The following SGSM1 variants were observed in gnomAD, a reference collection of about 807,000 sequenced individuals.
SGSM1 encodes small G protein signaling modulator 1, also known as RUN and TBC1 domain containing 2.
A neutral mutation model predicts 133.8 loss-of-function variants in SGSM1; 73 were observed. The observed-to-expected ratio is 0.55, with a 90% confidence interval of 0.45 to 0.66. The LOEUF is 0.66. Ranked by LOEUF, SGSM1 falls within the 30% of genes least tolerant of loss-of-function variation. The pLI, the probability that SGSM1 is intolerant of heterozygous loss-of-function variation, is 0.00. For missense variants in SGSM1, 1,213 were observed against 1,448.1 expected (o/e 0.84, Z 2.64); for synonymous variants, 563 against 573.0 (o/e 0.98, Z 0.25).
chr22:24,855,464 A>G (rs766747028), intron 7 of SGSM1, 34 bp downstream of exon 7: 1 of 1,612,782 alleles, frequency 6.2e-7, no homozygotes, highest in South Asian at 1.1e-5. Flanking sequence ...AGTGGGAGGG[A>G]CCTTACATGA....
At chr22:24,812,949 A>T (rs1441810902) in intron 2 of SGSM1, among the ~76,000 whole-genome samples, 2 of 152,200 alleles carry the variant, frequency 1.3e-5, no homozygotes, top group East Asian at 3.9e-4. Flanking sequence ...AGGAGGGCAT[A>T]TAGAGAAAAC....
At chr22:24,828,602 A>G (rs1928927988) in intron 2 of SGSM1, among the ~76,000 whole-genome samples, 1 of 152,218 alleles carries the variant, frequency 6.6e-6, no homozygotes, top group African/African-American at 2.4e-5. Context: ...TTGCAGAGAA[A>G]ATGGAATGCT....
chr22:24,847,579 T>C, intron 3 of SGSM1, 55 bp from the exon 4 acceptor site: 1 of 1,576,834 alleles, frequency 6.3e-7, no homozygotes, highest in Non-Finnish European at 8.6e-7. Context: ...TGGGACATGC[T>C]GGGTGCTGGA....
intron 2 of SGSM1, among the ~76,000 whole-genome samples, chr22:24,834,272 C>G (rs1273968941): frequency 1.3e-5 from 2 of 152,266 alleles, no homozygotes; most frequent in Non-Finnish European, 2.9e-5. Context: ...GGCCATGACT[C>G]AGGATACAGG....
intron 21 of SGSM1, among the ~76,000 whole-genome samples, chr22:24,910,536 A>G (rs1203646419): frequency 1.3e-5 from 2 of 152,130 alleles, no homozygotes; most frequent in African/African-American, 2.4e-5. Flanking sequence ...AGTCCCAGCT[A>G]CTCAGGAGGC....
chr22:24,908,844 G>A (rs1164094146), intron 21 of SGSM1, among the ~76,000 whole-genome samples: 2 of 151,982 alleles, frequency 1.3e-5, no homozygotes, highest in Non-Finnish European at 2.9e-5. Context: ...TAAAGTGGGT[G>A]AGGGATTTGA....
chr22:24,809,760 A>G (rs1927624715), intron 2 of SGSM1, among the ~76,000 whole-genome samples: 1 of 152,172 alleles, frequency 6.6e-6, no homozygotes, highest in Non-Finnish European at 1.5e-5. Context: ...AGCGGAGGAA[A>G]CACACTCCCA....
chr22:24,806,287 C>G lies in SGSM1; in HGVS notation c.-39C>G, dbSNP rs1473655223. 1.4e-6 allele frequency: 2 copies of G among 1,416,268 alleles called. No individual in the cohort carries two copies. Among genetic ancestry groups the G allele is most frequent in the African/African-American group, 3.0e-5 (2 of 66,466 alleles). The allele number at this position is 1,416,268 out of a possible 1,614,324, so 87.7% of individuals were successfully genotyped here. A position where few individuals can be genotyped will look rare whatever the true frequency, so the allele number is the denominator to read the frequency against. Reference sequence around the variant, plus strand: ...GGAGGAGCTACCGCCGCCACCGCCGCCACCGCCTCCTGGGACTCGGAACGC... The same window carrying G: ...GGAGGAGCTACCGCCGCCACCGCCGGCACCGCCTCCTGGGACTCGGAACGC... On this transcript the variant is annotated 5_prime_UTR_variant, in exon 1 of 25. Coordinates refer to ENST00000400358, the MANE Select transcript of SGSM1 (RefSeq NM_001098497.3).
chr22:24,879,767 G>A (rs1932227137), intron 14 of SGSM1, among the ~76,000 whole-genome samples: 1 of 152,182 alleles, frequency 6.6e-6, no homozygotes, highest in South Asian at 2.1e-4. Context: ...GTCCCCTGGG[G>A]ACAGAGATTT....
intron 2 of SGSM1, among the ~76,000 whole-genome samples, chr22:24,836,840 A>C (rs1248369057): frequency 6.6e-6 from 1 of 152,164 alleles, no homozygotes; most frequent in Non-Finnish European, 1.5e-5. Flanking sequence ...CACATAGATG[A>C]TTTGCAGATA....
At chr22:24,833,742 C>T (rs1929262434) in intron 2 of SGSM1, among the ~76,000 whole-genome samples, 1 of 151,950 alleles carries the variant, frequency 6.6e-6, no homozygotes, top group East Asian at 1.9e-4. Context: ...TGACATTTTG[C>T]ATGATGAGAT....
At chr22:24,848,315 C>G (rs1366967642) in intron 4 of SGSM1, among the ~76,000 whole-genome samples, 2 of 152,068 alleles carry the variant, frequency 1.3e-5, no homozygotes, top group Non-Finnish European at 2.9e-5. Flanking sequence ...AAATGCAAGG[C>G]AACCAAAGTT....
chr22:24,911,487 A>G (rs1933621137), intron 21 of SGSM1, among the ~76,000 whole-genome samples: 1 of 152,008 alleles, frequency 6.6e-6, no homozygotes, highest in Non-Finnish European at 1.5e-5. Flanking sequence ...CGGACTGCAC[A>G]TAGTGACTTG....
chr22:24,920,247 G>A (rs998272961), intron 24 of SGSM1, among the ~76,000 whole-genome samples: 1 of 152,130 alleles, frequency 6.6e-6, no homozygotes. Flanking sequence ...TGGTTCTATC[G>A]CTGACCAGCT....
At chr22:24,815,814 G>A (rs1430711290) in intron 2 of SGSM1, among the ~76,000 whole-genome samples, 1 of 152,172 alleles carries the variant, frequency 6.6e-6, no homozygotes. Flanking sequence ...GGGTTATGCA[G>A]TCATGCTGGG....
In SGSM1 at chr22:24,924,263, G is replaced by A; in HGVS notation, c.3271G>A (p.Glu1091Lys). 6.2e-7 allele frequency: 1 copy of A among 1,613,898 alleles called. No individual in the cohort carries two copies. Among genetic ancestry groups the A allele is most frequent in the East Asian group, 2.2e-5 (1 of 44,876 alleles). Reference protein sequence around the residue: ...DLVYKVQTLIENK With the variant: ...DLVYKVQTLIKNK Reference sequence around the variant, plus strand: ...CGTGTACAAGGTGCAGACTCTGATTGAGAACAAGTGAGGGGCACCTCACCC... The same window carrying A: ...CGTGTACAAGGTGCAGACTCTGATTAAGAACAAGTGAGGGGCACCTCACCC... The change falls in exon 25 of 25, where the codon GAG becomes AAG. Residue 1091 changes from glutamate to lysine, a missense_variant. Coordinates refer to ENST00000400358, the MANE Select transcript of SGSM1 (RefSeq NM_001098497.3).
At chr22:24,896,932 G>A (rs1274563230) in intron 18 of SGSM1, among the ~76,000 whole-genome samples, 3 of 152,044 alleles carry the variant, frequency 2.0e-5, no homozygotes, top group Non-Finnish European at 4.4e-5. Context: ...AGCCAAGATC[G>A]TGCCACTTCA....
At chr22:24,863,642 G>C (rs555436056) in intron 9 of SGSM1, among the ~76,000 whole-genome samples, 1 of 152,306 alleles carries the variant, frequency 6.6e-6, no homozygotes, top group Admixed American at 6.5e-5. Context: ...TGTCGGGAAG[G>C]GGTTTGCCCC....
In SGSM1 at chr22:24,924,417, C is replaced by A; in HGVS notation, c.*143C>A. Reference sequence around the variant, plus strand: ...TGGAGTTCAGTGCGCAAAGAAACTACCCTGACTTTTACTTCTGGGCAGATG... The same window carrying A: ...TGGAGTTCAGTGCGCAAAGAAACTAACCTGACTTTTACTTCTGGGCAGATG... On this transcript the variant is annotated 3_prime_UTR_variant, in exon 25 of 25. Coordinates refer to ENST00000400358, the MANE Select transcript of SGSM1 (RefSeq NM_001098497.3). The A allele has an allele frequency of 1.5e-6, 1 of 671,232 alleles. No homozygotes were observed. Among genetic ancestry groups the A allele is most frequent in the Non-Finnish European group, 2.6e-6 (1 of 379,698 alleles). 41.6% of individuals were successfully genotyped at this position (671,232 alleles called of 1,614,324 possible).
Sources: allele counts gnomAD v4.1 joint callset (sites outside exome capture counted in the v4.1 genomes callset), GRCh38; gene constraint gnomAD v4.1.1; transcripts MANE v1.5; gene names NCBI Gene and HGNC (gene_info 2026-07-23, HGNC 2026-07-21).